FRMPD4: variants seen among roughly 807,000 people sequenced by gnomAD.
FRMPD4 encodes FERM and PDZ domain containing 4, also known as FERM and PDZ domain-containing protein 4.
FRMPD4 carries 22 observed loss-of-function variants against 94.1 expected under a neutral mutation model. That is an observed-to-expected ratio of 0.23 (90% CI 0.17 to 0.33). The LOEUF is 0.33. Ranked by LOEUF, FRMPD4 falls within the 10% of genes least tolerant of loss-of-function variation. FRMPD4 has a pLI of 1.00. For missense variants in FRMPD4, 1,111 were observed against 1,339.9 expected, an observed-to-expected ratio of 0.83 and a Z score of 2.67; for synonymous variants, 631 against 548.6, an observed-to-expected ratio of 1.15 and a Z score of -2.10.
intron 1 of FRMPD4, among the ~76,000 whole-genome samples, chrX:12,399,176 G>C (rs780870672): frequency 9.0e-6 from 1 of 111,723 alleles, no homozygotes; most frequent in African/African-American, 3.3e-5. Flanking sequence ...CTGTGTGCTT[G>C]TTGTGTCACC....
intron 8 of FRMPD4, 45 bp downstream of exon 8, chrX:12,690,371 C>G: frequency 8.8e-7 from 1 of 1,136,174 alleles, no homozygotes; most frequent in Non-Finnish European, 1.2e-6. Context: ...CAGGTTAGAG[C>G]AGAGGTTGCC....
At chrX:12,193,358 A>G (rs1008326490) in intron 1 of FRMPD4, among the ~76,000 whole-genome samples, 3 of 110,817 alleles carry the variant, frequency 2.7e-5, no homozygotes, top group African/African-American at 9.9e-5. Flanking sequence ...ATTCCTCCAA[A>G]ATATTATAAA....
At chrX:12,110,799 C>T (rs1361740297) in intron 3 of FRMPD4, among the ~76,000 whole-genome samples, 1 of 111,073 alleles carries the variant, frequency 9.0e-6, no homozygotes, top group South Asian at 3.9e-4. Context: ...GAGCCAAATC[C>T]TGAGTGAACT....
chrX:12,012,442 G>A (rs2054585931), intron 3 of FRMPD4, among the ~76,000 whole-genome samples: 1 of 111,576 alleles, frequency 9.0e-6, no homozygotes, highest in Admixed American at 9.5e-5. Context: ...TAATCATGAA[G>A]GTATATTGGT....
chrX:12,704,544 A>C, intron 11 of FRMPD4, 59 bp downstream of exon 11: 1 of 802,176 alleles, frequency 1.2e-6, no homozygotes, highest in South Asian at 3.1e-5. Flanking sequence ...TGCATTTTTT[A>C]AATGTTTAAA....
chrX:12,190,566 A>T (rs1184908296), intron 1 of FRMPD4, among the ~76,000 whole-genome samples: 1 of 110,655 alleles, frequency 9.0e-6, no homozygotes, highest in Non-Finnish European at 1.9e-5. Flanking sequence ...TCAAAATAGA[A>T]TCCAGAAGTA....
chrX:11,956,794 A>T (rs1347537883), intron 3 of FRMPD4, among the ~76,000 whole-genome samples: 2 of 112,163 alleles, frequency 1.8e-5, no homozygotes, highest in Non-Finnish European at 3.8e-5. Flanking sequence ...GTAGAATTGC[A>T]CTGAGGGTGG....
chrX:11,986,148 C>T (rs2054428205), intron 3 of FRMPD4, among the ~76,000 whole-genome samples: 1 of 112,430 alleles, frequency 8.9e-6, no homozygotes, highest in African/African-American at 3.2e-5. Context: ...TTGATGGCCA[C>T]AGGGATGCTT....
chrX:12,175,761 G>A (rs1266264627), intron 1 of FRMPD4, among the ~76,000 whole-genome samples: 1 of 111,582 alleles, frequency 9.0e-6, no homozygotes, highest in Admixed American at 9.5e-5. Flanking sequence ...TGATCAACCT[G>A]CCTTGGCCTC....
chrX:12,383,949 A>G (rs1308190746), intron 1 of FRMPD4, among the ~76,000 whole-genome samples: 1 of 111,327 alleles, frequency 9.0e-6, no homozygotes, highest in East Asian at 2.8e-4. Context: ...TGAGACCACT[A>G]GAACCCAGGG....
At chrX:12,262,017 TA>T (rs1417960889) in intron 1 of FRMPD4, among the ~76,000 whole-genome samples, 4 of 111,962 alleles carry the variant, frequency 3.6e-5, no homozygotes, top group Non-Finnish European at 7.5e-5. Flanking sequence ...TGAATGACAT[TA>T]TTTCCACTTC....
intron 3 of FRMPD4, among the ~76,000 whole-genome samples, chrX:11,952,072 T>C (rs898114354): frequency 1.7e-4 from 19 of 112,386 alleles, no homozygotes; most frequent in African/African-American, 6.1e-4. Flanking sequence ...GCATACATAC[T>C]TTAAAAAATT....
intron 3 of FRMPD4, among the ~76,000 whole-genome samples, chrX:11,912,221 C>G (rs916791346): frequency 2.7e-5 from 3 of 112,204 alleles, no homozygotes; most frequent in Non-Finnish European, 5.6e-5. Context: ...TTTGGTGTAA[C>G]CAGGTTGGTC....
chrX:12,063,005 T>A (rs761333254), intron 3 of FRMPD4, among the ~76,000 whole-genome samples: 1 of 112,334 alleles, frequency 8.9e-6, no homozygotes, highest in Non-Finnish European at 1.9e-5. Flanking sequence ...AATGGCTTTA[T>A]GGCAATGCTT....
chrX:12,078,159 T>C (rs1334247659), intron 3 of FRMPD4, among the ~76,000 whole-genome samples: 1 of 112,243 alleles, frequency 8.9e-6, no homozygotes, highest in Non-Finnish European at 1.9e-5. Context: ...TGTCTTCAGG[T>C]CCTAGATGAT....
chrX:12,383,104 G>T (rs2148025550), intron 1 of FRMPD4, among the ~76,000 whole-genome samples: 1 of 111,820 alleles, frequency 8.9e-6, no homozygotes, highest in Non-Finnish European at 1.9e-5. Flanking sequence ...GAGTAGGATA[G>T]CTCCTTACAT....
intron 1 of FRMPD4, among the ~76,000 whole-genome samples, chrX:12,152,312 A>G (rs1172406011): frequency 8.9e-6 from 1 of 112,209 alleles, no homozygotes; most frequent in Non-Finnish European, 1.9e-5. Flanking sequence ...ATGCAGCTGT[A>G]AGAATAAAGA....
chrX:11,991,697 T>C (rs186564876), intron 3 of FRMPD4, among the ~76,000 whole-genome samples: 7 of 112,133 alleles, frequency 6.2e-5, no homozygotes, highest in Admixed American at 9.5e-5. Flanking sequence ...GGATAACTGA[T>C]TTTCTTTAAA....
intron 4 of FRMPD4, among the ~76,000 whole-genome samples, chrX:12,631,236 G>A (rs1388983612): frequency 9.0e-6 from 1 of 111,367 alleles, no homozygotes; most frequent in Non-Finnish European, 1.9e-5. Context: ...CACACATTAT[G>A]TTTTATTAAT....
Sources: allele counts gnomAD v4.1 joint callset (sites outside exome capture counted in the v4.1 genomes callset), GRCh38; gene constraint gnomAD v4.1.1; transcripts MANE v1.5; gene names NCBI Gene and HGNC (gene_info 2026-07-23, HGNC 2026-07-21).